Variants in UST observed in about 807,000 individuals in gnomAD.
The protein encoded by UST is chondroitin sulfate 2-O-sulfotransferase.
In UST, 21 loss-of-function variants were observed where a neutral mutation model predicts 45.6. The observed-to-expected ratio is 0.46, with a 90% CI of 0.33 to 0.66. The LOEUF is 0.66. Among genes scored for constraint, UST ranks in the 30% least tolerant of loss-of-function variants. The pLI is 0.02. For missense variants in UST, 463 were observed against 512.4 expected, an observed-to-expected ratio of 0.90 and a Z score of 0.93; for synonymous variants, 215 against 200.6, an observed-to-expected ratio of 1.07 and a Z score of -0.61.
At chr6:148,775,289 T>TA (rs898481727) in intron 1 of UST, among the ~76,000 whole-genome samples, 12 of 151,338 alleles carry the variant, frequency 7.9e-5, no homozygotes, top group South Asian at 6.3e-4. Context: ...CATTGTCAGT[T>TA]AAAAAAAAAT....
intron 4 of UST, among the ~76,000 whole-genome samples, chr6:148,956,389 A>T (rs1040922126): frequency 6.6e-6 from 1 of 150,770 alleles, no homozygotes; most frequent in Non-Finnish European, 1.5e-5. Flanking sequence ...AAGAGAAATG[A>T]GGAAGATGCA....
Position 148,747,310 on chromosome 6 carries a change from AC to A in UST, c.-118del, listed in dbSNP as rs1775884147. 1 of 1,225,956 alleles carries A rather than the reference AC, an allele frequency of 8.2e-7. No homozygotes were observed. The highest frequency in any genetic ancestry group is 3.2e-5 in the East Asian group (1 of 31,470). The allele number at this position is 1,225,956 out of a possible 1,614,324, so 75.9% of individuals were successfully genotyped here. A position where few individuals can be genotyped will look rare whatever the true frequency, so the allele number is the denominator to read the frequency against. Reference sequence around the variant, plus strand: ...GCAACTTCGGCCCCTCCCCGCCCCCACCCGGCTGCCCTCCGCGCGGCCCTCC... The same window carrying A: ...GCAACTTCGGCCCCTCCCCGCCCCCACCGGCTGCCCTCCGCGCGGCCCTCC... On this transcript the variant is annotated 5_prime_UTR_variant, in exon 1 of 8. Coordinates refer to ENST00000367463, the MANE Select transcript of UST (RefSeq NM_005715.3).
At chr6:148,881,329 A>G (rs1050853896) in intron 1 of UST, among the ~76,000 whole-genome samples, 41 of 152,178 alleles carry the variant, frequency 2.7e-4, no homozygotes, top group African/African-American at 9.6e-4. Context: ...GAATGTGTGA[A>G]GTTTTTCCCG....
At position 148,870,759 on chromosome 6, in the gene UST, C is replaced by G. The variant is rs555117349; in HGVS notation, c.248-16227C>G. On this transcript the variant is annotated intron_variant, in intron 1 of 7. Transcript: ENST00000367463. Reference sequence around the variant, plus strand: ...GGGCCCAGCACAGGCTGCCCACCATCTCCTGGGATGCTCTCACCCTCTTTC... The same window carrying G: ...GGGCCCAGCACAGGCTGCCCACCATGTCCTGGGATGCTCTCACCCTCTTTC... 2.0e-5 allele frequency among the ~76,000 whole-genome samples: 3 copies of G among 152,316 alleles called. No individual in the cohort carries two copies. The South Asian group carries it at 6.2e-4, about 32-fold the overall frequency.
At chr6:148,791,314 CA>C (rs1776843132) in intron 1 of UST, among the ~76,000 whole-genome samples, 1 of 152,094 alleles carries the variant, frequency 6.6e-6, no homozygotes, top group South Asian at 2.1e-4. Context: ...CATTGGTCAC[CA>C]AGATAGAGGA....
chr6:148,858,699 C>A lies in UST; in HGVS notation c.248-28287C>A, dbSNP rs561099262. 3.9e-3 allele frequency among the ~76,000 whole-genome samples: 596 copies of A among 152,220 alleles called. 3 individuals are homozygous for A. Among genetic ancestry groups the A allele is most frequent in the Non-Finnish European group, 7.2e-3 (492 of 68,016 alleles). On this transcript the variant is annotated intron_variant, in intron 1 of 7. Coordinates refer to ENST00000367463, the MANE Select transcript of UST (RefSeq NM_005715.3). ...CGTGTGATGTTCCCCACCCTGTGTC[C>A]ATGTGTTCTCATTGTTCAGTTCCCA...
chr6:149,065,968 G>A (rs1030385982), intron 7 of UST, among the ~76,000 whole-genome samples: 1 of 152,202 alleles, frequency 6.6e-6, no homozygotes, highest in African/African-American at 2.4e-5. Flanking sequence ...GTTGGATGCT[G>A]CCACCCAGGG....
At chr6:148,988,178 G>T (rs1781270447) in intron 5 of UST, among the ~76,000 whole-genome samples, 1 of 152,032 alleles carries the variant, frequency 6.6e-6, no homozygotes, top group African/African-American at 2.4e-5. Flanking sequence ...GAAGGGTGCT[G>T]GGGTATAAAG....
At chr6:148,947,311 T>A (rs1037483397) in intron 3 of UST, among the ~76,000 whole-genome samples, 10 of 152,142 alleles carry the variant, frequency 6.6e-5, no homozygotes, top group African/African-American at 2.4e-4. Context: ...TAGGCATACA[T>A]GGGTTAATAA....
intron 5 of UST, among the ~76,000 whole-genome samples, chr6:148,988,444 T>C (rs1781276272): frequency 6.6e-6 from 1 of 151,702 alleles, no homozygotes; most frequent in South Asian, 2.1e-4. Flanking sequence ...CATGGTGGCG[T>C]GTGCCTGTAG....
chr6:148,889,546 C>T (rs1385126145), intron 2 of UST, among the ~76,000 whole-genome samples: 3 of 152,162 alleles, frequency 2.0e-5, no homozygotes, highest in Non-Finnish European at 2.9e-5. Context: ...TCCATAGCCC[C>T]CTGCCCTGTC....
intron 7 of UST, among the ~76,000 whole-genome samples, chr6:149,028,132 C>T (rs1455217466): frequency 6.6e-6 from 1 of 152,202 alleles, no homozygotes; most frequent in African/African-American, 2.4e-5. Context: ...GCGTGATCCA[C>T]CGCGCCCGGC....
At chr6:148,950,938 T>A (rs908306413) in intron 3 of UST, among the ~76,000 whole-genome samples, 1 of 152,192 alleles carries the variant, frequency 6.6e-6, no homozygotes, top group Non-Finnish European at 1.5e-5. Context: ...GATCAAAGGA[T>A]GTTGAATGAA....
intron 5 of UST, among the ~76,000 whole-genome samples, chr6:148,979,487 T>C (rs1379229189): frequency 2.6e-5 from 4 of 152,196 alleles, no homozygotes; most frequent in African/African-American, 9.6e-5. Context: ...CTGACTTCTG[T>C]TGAAGAAGTA....
At chr6:148,933,496 A>T (rs1582906780) in intron 2 of UST, among the ~76,000 whole-genome samples, 1 of 152,222 alleles carries the variant, frequency 6.6e-6, no homozygotes, top group African/African-American at 2.4e-5. Context: ...GATTTGGCAT[A>T]GCTCTTGGAG....
chr6:149,066,890 A>G (rs1337691862), intron 7 of UST, among the ~76,000 whole-genome samples: 1 of 152,154 alleles, frequency 6.6e-6, no homozygotes, highest in Non-Finnish European at 1.5e-5. Context: ...GTGAGCCACC[A>G]CTGCACTCTA....
At chr6:148,827,777 G>C (rs1427378078) in intron 1 of UST, among the ~76,000 whole-genome samples, 1 of 148,620 alleles carries the variant, frequency 6.7e-6, no homozygotes, top group East Asian at 2.0e-4. Flanking sequence ...GAATTAGATT[G>C]TACTCTGTAT....
chr6:148,851,777 TTA>T (rs1414856141), intron 1 of UST, among the ~76,000 whole-genome samples: 1 of 152,230 alleles, frequency 6.6e-6, no homozygotes, highest in African/African-American at 2.4e-5. Flanking sequence ...TTTGCAGACT[TTA>T]TGTGTACATT....
At chr6:148,943,616 T>C (rs1780174261) in intron 3 of UST, among the ~76,000 whole-genome samples, 1 of 152,222 alleles carries the variant, frequency 6.6e-6, no homozygotes, top group Non-Finnish European at 1.5e-5. Flanking sequence ...TTTGGAATGG[T>C]TGGCTTGTCT....
Sources: gnomAD v4.1 joint callset for allele counts (sites outside exome capture counted in the v4.1 genomes callset) on GRCh38, gnomAD v4.1.1 for gene constraint, MANE v1.5 for transcripts, NCBI Gene and HGNC (gene_info 2026-07-23, HGNC 2026-07-21) for gene names.